VPS8: variants seen among roughly 807,000 people sequenced by gnomAD.
The protein encoded by VPS8 is VPS8 subunit of CORVET complex.
A neutral mutation model predicts 216.4 loss-of-function variants in VPS8; 129 were observed. That is an observed-to-expected ratio of 0.60 (90% confidence interval 0.52 to 0.69). VPS8 has a LOEUF of 0.69. VPS8 is among the 30% of genes least tolerant of loss of function. The pLI, the probability that VPS8 is intolerant of heterozygous loss-of-function variation, is 0.00. For missense variants in VPS8, 1,531 were observed against 1,683.5 expected, an observed-to-expected ratio of 0.91 and a Z score of 1.59; for synonymous variants, 571 against 565.4, an observed-to-expected ratio of 1.01 and a Z score of -0.14.
At chr3:184,890,330 C>T (rs557268654) in intron 22 of VPS8, among the ~76,000 whole-genome samples, 4 of 152,262 alleles carry the variant, frequency 2.6e-5, no homozygotes, top group African/African-American at 9.6e-5. Context: ...TAGCCAATTT[C>T]AGGTAACTTC....
chr3:184,884,072 C>G (rs1324974422), intron 21 of VPS8, among the ~76,000 whole-genome samples: 1 of 151,976 alleles, frequency 6.6e-6, no homozygotes, highest in Non-Finnish European at 1.5e-5. Context: ...TATCCTTTTT[C>G]AGGATCACTT....
At chr3:185,035,846 A>T (rs1187482986) in intron 46 of VPS8, among the ~76,000 whole-genome samples, 1 of 152,222 alleles carries the variant, frequency 6.6e-6, no homozygotes, top group Non-Finnish European at 1.5e-5. Flanking sequence ...ATATGATTCT[A>T]TACCTAGAAT....
intron 47 of VPS8, among the ~76,000 whole-genome samples, chr3:185,050,400 TA>T (rs1713950638): frequency 6.6e-6 from 1 of 152,178 alleles, no homozygotes; most frequent in South Asian, 2.1e-4. Flanking sequence ...CCACTTTTGA[TA>T]AATTGACACT....
In VPS8 at chr3:184,883,568, A is replaced by C. The variant is rs117524824; in HGVS notation, c.1735-2542A>C. Among the ~76,000 whole-genome samples the C allele has an allele frequency of 4.8e-3, 731 of 152,254 alleles. 7 individuals carry two copies. The highest frequency in any genetic ancestry group is 0.029 in the Admixed American group (451 of 15,296). On this transcript the variant is annotated intron_variant, in intron 21 of 47. Transcript: ENST00000625842. The stretch of plus-strand genomic sequence containing the variant: ...ATCTGTCACCAAACCCTATAGTTAT[A>C]AATAATTTTGTCCACGGTTCTTTAT...
chr3:184,956,072 TTA>T (rs1330881356), intron 36 of VPS8, among the ~76,000 whole-genome samples: 5 of 152,246 alleles, frequency 3.3e-5, no homozygotes, highest in African/African-American at 9.6e-5. Context: ...CAGAATTTTT[TTA>T]GTTTATCGTT....
intron 46 of VPS8, among the ~76,000 whole-genome samples, chr3:185,024,943 A>G (rs1757141740): frequency 6.6e-6 from 1 of 152,152 alleles, no homozygotes; most frequent in Non-Finnish European, 1.5e-5. Flanking sequence ...CGGAGGTTGC[A>G]GTGAGTCAAG....
intron 25 of VPS8, 176 bp downstream of exon 25, chr3:184,901,148 T>C: frequency 1.6e-6 from 1 of 606,730 alleles, no homozygotes; most frequent in East Asian, 3.0e-5. Flanking sequence ...CTAAAAAGTT[T>C]CCTCCTTCCC....
chr3:184,879,469 G>T (rs955451661), intron 21 of VPS8, among the ~76,000 whole-genome samples: 4 of 152,118 alleles, frequency 2.6e-5, no homozygotes, highest in African/African-American at 9.7e-5. Flanking sequence ...TGCTCACAGT[G>T]TCTATCTCGA....
At chr3:184,893,051 T>A (rs1381886718) in intron 22 of VPS8, among the ~76,000 whole-genome samples, 1 of 152,116 alleles carries the variant, frequency 6.6e-6, no homozygotes, top group Non-Finnish European at 1.5e-5. Flanking sequence ...GAAACTGACA[T>A]GAAAATATTT....
In VPS8 at chr3:184,852,578, A is replaced by G; in HGVS notation, c.821+11A>G. The G allele has an allele frequency of 1.2e-6, 2 of 1,611,190 alleles. No individual in the cohort carries two copies. The highest frequency in any genetic ancestry group is 1.7e-6 in the Non-Finnish European group (2 of 1,178,632). ...TGAATTGACATTTAAGTAAGAGACT[A>G]GTGGACATTTGTTGACAAATGAAAA... On this transcript the variant is annotated intron_variant, in intron 11 of 47. Coordinates refer to ENST00000625842, the MANE Select transcript of VPS8 (RefSeq NM_001009921.3).
chr3:184,986,805 T>C (rs1188573801), intron 42 of VPS8, among the ~76,000 whole-genome samples: 1 of 152,210 alleles, frequency 6.6e-6, no homozygotes, highest in East Asian at 1.9e-4. Flanking sequence ...ACAGAGAAAT[T>C]AAACAGAAAA....
intron 45 of VPS8, among the ~76,000 whole-genome samples, chr3:185,002,820 G>A (rs1049392708): frequency 2.0e-5 from 3 of 152,296 alleles, no homozygotes; most frequent in Admixed American, 2.0e-4. Flanking sequence ...CATGGTGTAT[G>A]TATACCACAT....
At chr3:184,868,918 C>A in intron 18 of VPS8, 28 bp from the exon 19 acceptor site, 2 of 1,578,504 alleles carry the variant, frequency 1.3e-6, no homozygotes, top group Middle Eastern at 1.7e-4. Context: ...GACAAAGGGG[C>A]CTGGTTTCTC....
Position 184,863,047 on chromosome 3 carries a change from G to C in VPS8, c.1375G>C (p.Gly459Arg). Residue 459 changes from glycine to arginine, a missense_variant, in exon 16 of 48, where the codon GGA becomes CGA. Physicochemically the swap from Gly to Arg is moderately radical, Grantham distance 125. Coordinates refer to ENST00000625842, the MANE Select transcript of VPS8 (RefSeq NM_001009921.3). Reference protein sequence around the residue: ...SSHFKSLATGGNVSQALALVG... With the variant: ...SSHFKSLATGRNVSQALALVG... ...CCATTTCAAATCACTAGCCACTGGA[G>C]GAAATGTTAGCCAGGCACTGGTAAG... The C allele has an allele frequency of 1.2e-6, 2 of 1,613,824 alleles. No individual in the cohort carries two copies. The highest frequency in any genetic ancestry group is 1.7e-6 in the Non-Finnish European group (2 of 1,179,772).
At chr3:184,872,227 T>G (rs904120277) in intron 21 of VPS8, among the ~76,000 whole-genome samples, 1 of 152,130 alleles carries the variant, frequency 6.6e-6, no homozygotes, top group East Asian at 1.9e-4. Flanking sequence ...AGGTATACTT[T>G]GTTGAAAAAA....
chr3:185,000,961 C>T (rs1753338422), intron 45 of VPS8, among the ~76,000 whole-genome samples: 4 of 152,174 alleles, frequency 2.6e-5, no homozygotes, highest in Admixed American at 2.6e-4. Context: ...CTGGGAAAAC[C>T]TCCTGACTAA....
intron 43 of VPS8, 88 bp downstream of exon 43, chr3:184,994,151 T>G (rs1339069320): frequency 1.1e-6 from 1 of 940,574 alleles, no homozygotes; most frequent in Admixed American, 3.7e-5. Context: ...TAAAAAAAAA[T>G]TACCATCTAT....
At position 184,967,865 on chromosome 3, in the gene VPS8, A is replaced by T. The variant is rs577835453; in HGVS notation, c.3316+1152A>T. On this transcript the variant is annotated intron_variant, in intron 39 of 47. Transcript: ENST00000625842. ...TCAAAAAAAAAAAAAAAATTAAATT[A>T]TGGGTAAAATATACCCTAACATAAA... Among the ~76,000 whole-genome samples the T allele has an allele frequency of 3.3e-5, 5 of 152,034 alleles. No individual in the cohort carries two copies. The South Asian group carries it at 1.0e-3, about 32-fold the overall frequency.
chr3:184,862,339 A>G (rs1282259220), intron 15 of VPS8, among the ~76,000 whole-genome samples: 4 of 152,216 alleles, frequency 2.6e-5, no homozygotes, highest in Non-Finnish European at 5.9e-5. Context: ...TATTGTTAAT[A>G]CTTTTAACAT....
Sources: allele counts gnomAD v4.1 joint callset (sites outside exome capture counted in the v4.1 genomes callset), GRCh38; gene constraint gnomAD v4.1.1; transcripts MANE v1.5; gene names NCBI Gene and HGNC (gene_info 2026-07-23, HGNC 2026-07-21).